The following PRKN variants were observed in gnomAD, a reference collection of about 807,000 sequenced individuals.
PRKN encodes parkin RBR E3 ubiquitin protein ligase.
PRKN carries 56 observed loss-of-function variants against 59.5 expected under a neutral mutation model. That is an observed-to-expected ratio of 0.94 (90% CI 0.76 to 1.18). The LOEUF is 1.18. PRKN is among the 50% of genes most tolerant of loss of function. The pLI, the probability that PRKN is intolerant of heterozygous loss-of-function variation, is 0.00. For synonymous variants in PRKN, 250 were observed against 222.1 expected, an observed-to-expected ratio of 1.13 and a Z score of -1.12; for missense variants, 657 against 596.4, an observed-to-expected ratio of 1.10 and a Z score of -1.06.
At chr6:161,667,063 G>C (rs891826416) in intron 7 of PRKN, among the ~76,000 whole-genome samples, 1 of 152,138 alleles carries the variant, frequency 6.6e-6, no homozygotes, top group Non-Finnish European at 1.5e-5. Context: ...GATTAACACA[G>C]CCAAGGAAAG....
chr6:162,610,938 C>T (rs1264181191), intron 1 of PRKN, among the ~76,000 whole-genome samples: 1 of 152,034 alleles, frequency 6.6e-6, no homozygotes, highest in African/African-American at 2.4e-5. Flanking sequence ...TCACATGCAT[C>T]CTACATAAGT....
intron 6 of PRKN, among the ~76,000 whole-genome samples, chr6:161,828,357 T>C (rs929430438): frequency 8.5e-5 from 13 of 152,258 alleles, no homozygotes; most frequent in African/African-American, 3.1e-4. Flanking sequence ...GAGTGAATCT[T>C]TGATGTGACA....
intron 1 of PRKN, among the ~76,000 whole-genome samples, chr6:162,461,516 AAAAAAAAAAAAAG>A (rs1351485156): frequency 6.8e-6 from 1 of 147,854 alleles, no homozygotes; most frequent in Non-Finnish European, 1.5e-5. Context: ...AAAAAAAAAA[AAAAAAAAAAAAAG>A]AAAGAAAAAG....
intron 2 of PRKN, among the ~76,000 whole-genome samples, chr6:162,386,867 A>G (rs1001654579): frequency 1.3e-5 from 2 of 152,300 alleles, no homozygotes; most frequent in South Asian, 4.2e-4. Context: ...TTTATGACTA[A>G]GCAGACGCAG....
intron 2 of PRKN, among the ~76,000 whole-genome samples, chr6:162,349,383 C>T (rs1344171332): frequency 3.3e-5 from 5 of 152,148 alleles, no homozygotes; most frequent in African/African-American, 4.8e-5. Flanking sequence ...AGGAGAATCG[C>T]TGGAACCCAG....
rs553423639 is a variant in PRKN, at chr6:162,129,350, G to A, written c.534+71781C>T. On this transcript the variant is annotated intron_variant, in intron 4 of 11. Transcript: ENST00000366898. ...TAAATAAAGATTCAAATATAAATAA[G>A]TGTTTGCAACTGGTATAAAATGTCA... is the stretch of plus-strand genomic sequence containing the variant. Among the ~76,000 whole-genome samples the A allele has an allele frequency of 5.3e-5, 8 of 152,284 alleles. No individual in the cohort carries two copies. The South Asian group carries it at 1.4e-3, about 28-fold the overall frequency.
intron 1 of PRKN, among the ~76,000 whole-genome samples, chr6:162,638,308 T>C (rs930503818): frequency 6.7e-6 from 1 of 149,112 alleles, no homozygotes; most frequent in Non-Finnish European, 1.5e-5. Flanking sequence ...AGAGTTTTTT[T>C]CCCTAGCCTG....
intron 9 of PRKN, among the ~76,000 whole-genome samples, 176 bp from the exon 10 acceptor site, chr6:161,387,053 T>G (rs1030256291): frequency 1.3e-5 from 2 of 152,200 alleles, no homozygotes; most frequent in African/African-American, 4.8e-5. Flanking sequence ...TTGTTCACTC[T>G]TTACTCAAGA....
At chr6:161,418,778 G>C (rs1259608003) in intron 9 of PRKN, among the ~76,000 whole-genome samples, 1 of 152,202 alleles carries the variant, frequency 6.6e-6, no homozygotes, top group African/African-American at 2.4e-5. Flanking sequence ...CATAGTATTT[G>C]CTTCTAGAGC....
At chr6:161,986,089 C>A (rs1747812174) in intron 5 of PRKN, among the ~76,000 whole-genome samples, 1 of 152,200 alleles carries the variant, frequency 6.6e-6, no homozygotes, top group Non-Finnish European at 1.5e-5. Flanking sequence ...TGGCAACATC[C>A]AGGAGTTACC....
At chr6:161,801,393 G>A (rs1791070763) in intron 6 of PRKN, among the ~76,000 whole-genome samples, 1 of 152,226 alleles carries the variant, frequency 6.6e-6, no homozygotes, top group Non-Finnish European at 1.5e-5. Context: ...GAAAGATGGG[G>A]CTATAAAGGG....
At chr6:162,230,965 C>T (rs1451878766) in intron 3 of PRKN, among the ~76,000 whole-genome samples, 1 of 152,190 alleles carries the variant, frequency 6.6e-6, no homozygotes, top group African/African-American at 2.4e-5. Context: ...ACCTGTCTCC[C>T]CAATGTGATG....
At chr6:162,457,840 G>A (rs1365388222) in intron 1 of PRKN, among the ~76,000 whole-genome samples, 4 of 152,072 alleles carry the variant, frequency 2.6e-5, no homozygotes, top group Non-Finnish European at 5.9e-5. Context: ...GAGGTTTGTG[G>A]CCGGGCGTGG....
At chr6:162,445,114 C>T (rs746687915) in intron 1 of PRKN, among the ~76,000 whole-genome samples, 1 of 152,066 alleles carries the variant, frequency 6.6e-6, no homozygotes, top group Admixed American at 6.6e-5. Context: ...CCCACCTCAT[C>T]ATAATTATAA....
At chr6:162,619,685 GTATC>G (rs1455532002) in intron 1 of PRKN, among the ~76,000 whole-genome samples, 1 of 139,030 alleles carries the variant, frequency 7.2e-6, no homozygotes, top group Non-Finnish European at 1.5e-5. Context: ...AGAAGTGTTG[GTATC>G]TATCCTTTCA....
chr6:162,523,900 T>C (rs1383857212), intron 1 of PRKN, among the ~76,000 whole-genome samples: 1 of 151,906 alleles, frequency 6.6e-6, no homozygotes, highest in East Asian at 1.9e-4. Context: ...ATCAAAACTA[T>C]AAGGATAAAG....
rs77633534 is a variant in PRKN at position 162,160,560 on chromosome 6, C to T, written c.534+40571G>A. ...TATAGCACTGTGTCAAACTATACCT[C>T]AGTAAAGCTATAAAAATAATCATGC... On this transcript the variant is annotated intron_variant, in intron 4 of 11. Transcript: ENST00000366898. Among the ~76,000 whole-genome samples the T allele has an allele frequency of 6.2e-4, 95 of 152,092 alleles. No homozygotes were observed. The East Asian group carries it at 0.013, about 21-fold the overall frequency.
intron 1 of PRKN, among the ~76,000 whole-genome samples, chr6:162,493,393 C>T (rs1792909282): frequency 6.6e-6 from 1 of 152,050 alleles, no homozygotes; most frequent in Non-Finnish European, 1.5e-5. Context: ...CGGTTGGTTA[C>T]AAGAATGAAA....
intron 2 of PRKN, among the ~76,000 whole-genome samples, chr6:162,288,071 ATCT>A (rs1265452068): frequency 6.6e-6 from 1 of 152,076 alleles, no homozygotes; most frequent in Admixed American, 6.6e-5. Context: ...AAGAGCTAAA[ATCT>A]TCTTCTGAAC....
Sources: gnomAD v4.1 joint callset for allele counts (sites outside exome capture counted in the v4.1 genomes callset) on GRCh38, gnomAD v4.1.1 for gene constraint, MANE v1.5 for transcripts, NCBI Gene and HGNC (gene_info 2026-07-23, HGNC 2026-07-21) for gene names.